Variants in SNTG1 observed in about 807,000 individuals in gnomAD.
SNTG1 encodes the protein syntrophin gamma 1.
SNTG1 carries 39 observed loss-of-function variants against 74.7 expected under a neutral mutation model. That is an observed-to-expected ratio of 0.52 (90% CI 0.40 to 0.68). The LOEUF is 0.68. Ranked by LOEUF, SNTG1 falls within the 30% of genes least tolerant of loss-of-function variation. The pLI is 0.00. For missense variants in SNTG1, 685 were observed against 609.5 expected, an observed-to-expected ratio of 1.12 and a Z score of -1.30; for synonymous variants, 254 against 217.1, an observed-to-expected ratio of 1.17 and a Z score of -1.49.
At position 50,648,727 on chromosome 8, in the gene SNTG1, A is replaced by T. The variant is rs192763093; in HGVS notation, c.850-8182A>T. Among the ~76,000 whole-genome samples the T allele has an allele frequency of 2.5e-3, 385 of 152,254 alleles. 5 individuals are homozygous for T. Among genetic ancestry groups the T allele is most frequent in the Admixed American group, 0.022 (332 of 15,292 alleles). On this transcript the variant is annotated intron_variant, in intron 13 of 18. Transcript: ENST00000642720. ...TATAGAAAGTTCCTAAAACTTAGGC[A>T]TACAGTTTAATTATTTAAAAAAAAT...
intron 15 of SNTG1, among the ~76,000 whole-genome samples, chr8:50,665,246 CA>C (rs1436152451): frequency 2.0e-5 from 3 of 151,942 alleles, no homozygotes; most frequent in African/African-American, 7.3e-5. Context: ...AGGGATTGAT[CA>C]ACTAAGTAGA....
chr8:50,201,070 A>G (rs1219840251), intron 2 of SNTG1, among the ~76,000 whole-genome samples: 1 of 152,146 alleles, frequency 6.6e-6, no homozygotes, highest in African/African-American at 2.4e-5. Flanking sequence ...TTTGAGGTAT[A>G]CTGATGGAAT....
chr8:49,924,450 C>T (rs1272614266), intron 1 of SNTG1, among the ~76,000 whole-genome samples: 5 of 152,056 alleles, frequency 3.3e-5, no homozygotes, highest in African/African-American at 1.2e-4. Flanking sequence ...CCTCAGTATG[C>T]AGAATAATGC....
intron 13 of SNTG1, among the ~76,000 whole-genome samples, chr8:50,621,233 G>A (rs760919732): frequency 6.6e-6 from 1 of 152,102 alleles, no homozygotes; most frequent in Non-Finnish European, 1.5e-5. Flanking sequence ...AACACAGGCT[G>A]TGACTCAGAC....
chr8:50,273,088 A>T (rs1033854488), intron 2 of SNTG1, among the ~76,000 whole-genome samples: 1 of 152,278 alleles, frequency 6.6e-6, no homozygotes, highest in African/African-American at 2.4e-5. Flanking sequence ...AGAAATAGTT[A>T]TCTGAAATTG....
intron 5 of SNTG1, 137 bp downstream of exon 5, chr8:50,438,736 A>C (rs2093330417): frequency 3.1e-6 from 2 of 639,442 alleles, no homozygotes; most frequent in South Asian, 4.1e-5. Context: ...GGGGATGTAA[A>C]TTAGGTAGGT....
chr8:50,519,235 C>T (rs1465317678), intron 9 of SNTG1, among the ~76,000 whole-genome samples: 1 of 152,236 alleles, frequency 6.6e-6, no homozygotes, highest in Admixed American at 6.5e-5. Flanking sequence ...GCAGAAAAGG[C>T]CTTCAATAAA....
chr8:50,282,136 A>G (rs2130442936), intron 2 of SNTG1, among the ~76,000 whole-genome samples: 1 of 152,106 alleles, frequency 6.6e-6, no homozygotes, highest in East Asian at 1.9e-4. Context: ...CCCTTCCCCA[A>G]CCAGAGACAT....
chr8:50,086,124 A>G (rs1187989899), intron 1 of SNTG1, among the ~76,000 whole-genome samples: 1 of 152,238 alleles, frequency 6.6e-6, no homozygotes, highest in Non-Finnish European at 1.5e-5. Context: ...CAAATGTGGA[A>G]CACTGTGCAG....
intron 1 of SNTG1, among the ~76,000 whole-genome samples, chr8:50,149,235 GTTGT>G (rs1267575125): frequency 1.3e-5 from 2 of 152,154 alleles, no homozygotes; most frequent in South Asian, 2.1e-4. Flanking sequence ...TTTTGATGGG[GTTGT>G]TTGTTTTTTT....
intron 1 of SNTG1, among the ~76,000 whole-genome samples, chr8:49,962,599 C>A (rs1401896603): frequency 1.3e-5 from 2 of 151,850 alleles, no homozygotes; most frequent in South Asian, 4.2e-4. Context: ...CTTCTCCTCT[C>A]GTTGGGATGC....
chr8:50,595,166 T>A lies in SNTG1; in HGVS notation c.849+4249T>A, dbSNP rs552478939. 1.5e-3 allele frequency among the ~76,000 whole-genome samples: 233 copies of A among 152,156 alleles called. 1 individual carries two copies. The highest frequency in any genetic ancestry group is 5.4e-3 in the African/African-American group (223 of 41,562). Reference sequence around the variant, plus strand: ...AGAAAGAAACTCTCCTAGTTCTTTATACATTCAATTTATTAATGTTAAAAA... The same window carrying A: ...AGAAAGAAACTCTCCTAGTTCTTTAAACATTCAATTTATTAATGTTAAAAA... On this transcript the variant is annotated intron_variant, in intron 13 of 18. Transcript: ENST00000642720.
At chr8:50,379,298 G>A (rs1563305492) in intron 2 of SNTG1, among the ~76,000 whole-genome samples, 1 of 152,180 alleles carries the variant, frequency 6.6e-6, no homozygotes, top group Non-Finnish European at 1.5e-5. Context: ...GGCAGCAGGA[G>A]TAGGCACTTC....
chr8:50,520,266 C>T (rs535510225), intron 9 of SNTG1, among the ~76,000 whole-genome samples: 1 of 152,174 alleles, frequency 6.6e-6, no homozygotes, highest in Non-Finnish European at 1.5e-5. Flanking sequence ...GGACCTCTTC[C>T]TAACACCTTA....
chr8:50,030,203 T>A (rs1329816647), intron 1 of SNTG1, among the ~76,000 whole-genome samples: 1 of 152,148 alleles, frequency 6.6e-6, no homozygotes, highest in Non-Finnish European at 1.5e-5. Flanking sequence ...ATTATTTGAT[T>A]TTTTTGTCTG....
At chr8:50,304,014 C>T (rs2089769599) in intron 2 of SNTG1, among the ~76,000 whole-genome samples, 1 of 152,106 alleles carries the variant, frequency 6.6e-6, no homozygotes, top group East Asian at 1.9e-4. Flanking sequence ...CACACTGGCT[C>T]TGTGCTATTG....
intron 5 of SNTG1, among the ~76,000 whole-genome samples, chr8:50,439,740 GGCTGTTTATTGAGATT>G (rs2093341188): frequency 7.9e-6 from 1 of 126,106 alleles, no homozygotes; most frequent in African/African-American, 3.1e-5. Flanking sequence ...TTTTTGGCCA[GGCTGTTTATTGAGATT>G]GCTGTAAAGA....
chr8:50,081,154 T>C (rs1822366464), intron 1 of SNTG1, among the ~76,000 whole-genome samples: 1 of 152,194 alleles, frequency 6.6e-6, no homozygotes, highest in Admixed American at 6.5e-5. Flanking sequence ...TCAACTTGAA[T>C]TCAGGGCTGC....
At chr8:50,312,530 T>G (rs1037682243) in intron 2 of SNTG1, among the ~76,000 whole-genome samples, 15 of 145,932 alleles carry the variant, frequency 1.0e-4, no homozygotes, top group Middle Eastern at 6.8e-3. Flanking sequence ...GCACTTCAGC[T>G]GCCTCAAGGA....
Sources: gnomAD v4.1 joint callset for allele counts (sites outside exome capture counted in the v4.1 genomes callset) on GRCh38, gnomAD v4.1.1 for gene constraint, MANE v1.5 for transcripts, NCBI Gene and HGNC (gene_info 2026-07-23, HGNC 2026-07-21) for gene names.